DLG4: variants seen among roughly 807,000 people sequenced by gnomAD.
DLG4 encodes the protein disks large homolog 4.
In DLG4, 7 loss-of-function variants were observed where a neutral mutation model predicts 93.8. The observed-to-expected ratio is 0.07, with a 90% confidence interval of 0.04 to 0.14. The LOEUF (loss-of-function observed/expected upper bound fraction) is 0.14, where lower values mean the gene tolerates loss of function less well. Among genes scored for constraint, DLG4 ranks in the 10% least tolerant of loss-of-function variants. The pLI is 1.00. For synonymous variants in DLG4, 341 were observed against 387.6 expected, an observed-to-expected ratio of 0.88 and a Z score of 1.41; for missense variants, 545 against 992.9, an observed-to-expected ratio of 0.55 and a Z score of 6.06.
upstream of DLG4, chr17:7,218,577 T>A: frequency 2.6e-6 from 4 of 1,566,118 alleles, no homozygotes; most frequent in Non-Finnish European, 3.5e-6. Context: ...TGCAGCACTG[T>A]GAGGAGTGGG....
At position 7,188,974 on chromosome 17, in the gene DLG4, T is replaced by C. The variant is rs373391618; in HGVS notation, c.*1734A>G. ...TAAAAATACAAAAATTAGCCAGGAG[T>C]GGTGGCAGGCGCCTGTAATCCCAGC... On this transcript the variant is annotated 3_prime_UTR_variant, in exon 20 of 20. Transcript: ENST00000399506. Among the ~76,000 whole-genome samples, 41 of 148,048 alleles carry C rather than the reference T, an allele frequency of 2.8e-4. No homozygotes were observed. The highest frequency in any genetic ancestry group is 9.8e-4 in the African/African-American group (39 of 39,938).
upstream of DLG4, chr17:7,219,803 C>G: frequency 6.6e-7 from 1 of 1,524,694 alleles, no homozygotes; most frequent in Non-Finnish European, 8.8e-7. Flanking sequence ...CCCTCTAAGT[C>G]AGCGGAACGC....
chr17:7,190,987 T>TTTTTTTTTTTTTTTC (rs2069463021), intron 19 of DLG4, among the ~76,000 whole-genome samples, 173 bp from the exon 20 acceptor site: 1 of 137,544 alleles, frequency 7.3e-6, no homozygotes, highest in African/African-American at 2.9e-5. Flanking sequence ...TTTTTTTTTT[T>TTTTTTTTTTTTTTTC]GAGATTGAGT....
rs1222481017 is a variant in DLG4 at position 7,203,402 on chromosome 17, T to G, written c.505+22A>C. ...GGGCACAGGACAGTTGGGATGGGGG[T>G]GGGAACAAAATGAGTTACTACCTTT... On this transcript the variant is annotated intron_variant, in intron 6 of 19. Coordinates refer to ENST00000399506, the MANE Select transcript of DLG4 (RefSeq NM_001321075.3). The surrounding 1 kb of genome is among the most constrained non-coding windows in gnomAD (Gnocchi z 7.2). 6.3e-7 allele frequency: 1 copy of G among 1,594,430 alleles called. No individual in the cohort carries two copies. The highest frequency in any genetic ancestry group is 2.3e-5 in the East Asian group (1 of 44,194).
chr17:7,202,768 C>T (rs745883411), intron 8 of DLG4, 135 bp downstream of exon 8: 1 of 1,077,966 alleles, frequency 9.3e-7, no homozygotes, highest in South Asian at 1.7e-5. Flanking sequence ...TCTCCAACAA[C>T]AGCAAGGATC....
rs1567540825 is a variant in DLG4 at position 7,203,213 on chromosome 17, T to C, written c.622A>G (p.Ile208Val). ...GAAHKDGRLQ[I>V]GDKILAVNSV... Reference sequence around the variant, plus strand: ...CTCACCGCCAGGATCTTGTCTCCAATCTGCAACCTCCCATCCTTGTGGGCA... The same window carrying C: ...CTCACCGCCAGGATCTTGTCTCCAACCTGCAACCTCCCATCCTTGTGGGCA... The change falls in exon 7 of 20, where the codon ATT becomes GTT. Residue 208 changes from isoleucine to valine, a missense_variant. This residue lies in a region of DLG4 where 428 missense variants were observed against 741.4 expected (regional missense o/e 0.58). Transcript: ENST00000399506. This position sits in a 1 kb window ranked among gnomAD's most constrained non-coding sequence, Gnocchi z 7.2. 6.2e-7 allele frequency: 1 copy of C among 1,604,066 alleles called. No homozygotes were observed. The highest frequency in any genetic ancestry group is 2.2e-5 in the East Asian group (1 of 44,594).
chr17:7,211,141 G>T, intron 1 of DLG4, among the ~76,000 whole-genome samples: 1 of 142,382 alleles, frequency 7.0e-6, no homozygotes, highest in Non-Finnish European at 1.5e-5. Context: ...GGGTGGGGGC[G>T]GGGGAGAGTA....
chr17:7,205,239 C>G (rs978430203), intron 2 of DLG4: 3 of 905,254 alleles, frequency 3.3e-6, no homozygotes, highest in Non-Finnish European at 2.6e-6. Context: ...CTCCCTCCCC[C>G]CACTTCATTC....
chr17:7,219,969 C>G, upstream of DLG4: 2 of 1,597,366 alleles, frequency 1.3e-6, no homozygotes, highest in Non-Finnish European at 8.5e-7. Context: ...CCAGCGGCGC[C>G]CGGAGAGATT....
intron 8 of DLG4, 67 bp downstream of exon 8, chr17:7,202,836 T>TG (rs780613904): frequency 6.3e-7 from 1 of 1,589,886 alleles, no homozygotes; most frequent in Admixed American, 1.7e-5. Flanking sequence ...AGGGATGTCG[T>TG]GGGACTGCAT....
At position 7,194,098 on chromosome 17, in the gene DLG4, G is replaced by A. The variant is rs571784468; in HGVS notation, c.1479-98C>T. ...TGACAACCCCTTCTCCATACTCTGG[G>A]CCAGCTGACACCCCTTCTCCTGCAG... On this transcript the variant is annotated intron_variant, in intron 12 of 19. Coordinates refer to ENST00000399506, the MANE Select transcript of DLG4 (RefSeq NM_001321075.3). The surrounding 1 kb of genome is among the most constrained non-coding windows in gnomAD (Gnocchi z 4.4). 6.8e-6 allele frequency: 10 copies of A among 1,478,092 alleles called. No homozygotes were observed. The highest frequency in any genetic ancestry group is 1.7e-4 in the Middle Eastern group (1 of 5,770). The allele number at this position is 1,478,092 out of a possible 1,614,324, so 91.6% of individuals were successfully genotyped here.
At position 7,193,007 on chromosome 17, in the gene DLG4, C is replaced by T; in HGVS notation, c.1804G>A (p.Gly602Ser). The change falls in exon 17 of 20, where the codon GGC (glycine) becomes AGC (serine). Residue 602 changes from glycine to serine, a missense_variant. Physicochemically the swap from Gly to Ser is moderately conservative, Grantham distance 56. Transcript: ENST00000399506. The surrounding 1 kb of genome is among the most constrained non-coding windows in gnomAD (Gnocchi z 6.7). ...CCATAGAGGTGGCTGTTGTACTGGC[C>T]GGCCTCAATGAACTTGTGCGCCTGA... ...DIQAHKFIEA[G>S]QYNSHLYGTS... is the part of the protein sequence containing the mutation. 6.2e-7 allele frequency: 1 copy of T among 1,613,724 alleles called. No homozygotes were observed. Among genetic ancestry groups the T allele is most frequent in the East Asian group, 2.2e-5 (1 of 44,872 alleles).
Position 7,193,578 on chromosome 17 carries a change from T to C in DLG4, c.1598A>G (p.Tyr533Cys). 1 of 1,527,330 alleles carries C rather than the reference T, an allele frequency of 6.5e-7. No individual in the cohort carries two copies. Among genetic ancestry groups the C allele is most frequent in the Non-Finnish European group, 8.8e-7 (1 of 1,141,166 alleles). The allele number at this position is 1,527,330 out of a possible 1,614,324, so 94.6% of individuals were successfully genotyped here. Reference protein sequence around the residue: ...YETVTQMEVHYARPIIILGPT... With the variant: ...YETVTQMEVHCARPIIILGPT... ...CCCAAGGATGATGATGGGGCGAGCA[T>C]AGTGCACTGCAGAGAGAGCCTGGCT... The change falls in exon 16 of 20, where the codon TAT becomes TGT. Residue 533 changes from tyrosine (Y) to cysteine (C), a missense_variant. Tyr to Cys is a radical substitution (Grantham distance 194). Coordinates refer to ENST00000399506, the MANE Select transcript of DLG4 (RefSeq NM_001321075.3). The surrounding 1 kb of genome is among the most constrained non-coding windows in gnomAD (Gnocchi z 6.7).
intron 1 of DLG4, chr17:7,211,673 G>A (rs887686774): frequency 1.2e-5 from 12 of 982,274 alleles, no homozygotes; most frequent in Non-Finnish European, 1.4e-5. Flanking sequence ...AGAGACACAT[G>A]GAGGCGAATC....
Position 7,208,051 on chromosome 17 carries a change from G to A in DLG4, c.96+123C>T, listed in dbSNP as rs754898571. On this transcript the variant is annotated intron_variant, in intron 2 of 19. Coordinates refer to ENST00000399506, the MANE Select transcript of DLG4 (RefSeq NM_001321075.3). The surrounding 1 kb of genome is among the most constrained non-coding windows in gnomAD (Gnocchi z 5.4). The stretch of plus-strand genomic sequence containing the variant: ...CCGAGGCTCCGAGGGCCGCACTGGG[G>A]AGGGGGCCACCAGGGTCTCCTACCT... 1.5e-6 allele frequency: 2 copies of A among 1,300,728 alleles called. No individual in the cohort carries two copies. The highest frequency in any genetic ancestry group is 2.0e-6 in the Non-Finnish European group (2 of 1,017,970). 80.6% of individuals were successfully genotyped at this position (1,300,728 alleles called of 1,614,324 possible). A position where few individuals can be genotyped will look rare whatever the true frequency, so the allele number is the denominator to read the frequency against.
intron 8 of DLG4, among the ~76,000 whole-genome samples, chr17:7,197,767 G>A (rs1380716711): frequency 6.6e-6 from 1 of 152,168 alleles, no homozygotes; most frequent in African/African-American, 2.4e-5. Flanking sequence ...TTACAGGCAT[G>A]AGCCACCTTG....
At chr17:7,206,886 A>G (rs2070489327) in intron 2 of DLG4, among the ~76,000 whole-genome samples, 1 of 151,800 alleles carries the variant, frequency 6.6e-6, no homozygotes, top group Admixed American at 6.6e-5. Flanking sequence ...ACATCCTAGA[A>G]TCCCCACCCT....
At chr17:7,218,123 G>A, upstream of DLG4, 2 of 935,600 alleles carry the variant, frequency 2.1e-6, no homozygotes, top group Non-Finnish European at 3.2e-6. Context: ...CTGGGCCACT[G>A]ACTCAGGCTT....
In DLG4 at chr17:7,187,315, G is replaced by GT. The variant is rs1236805629; in HGVS notation, c.*3392_*3393insA. On this transcript the variant is annotated 3_prime_UTR_variant, in exon 20 of 20. Transcript: ENST00000399506. The stretch of plus-strand genomic sequence containing the variant: ...AGCACTTTGGGAGGCCGAGGGGGGG[G>GT]GGGGTGGATCACCCGAGGTCAGGAG... Among the ~76,000 whole-genome samples, 1 of 117,412 alleles carries GT rather than the reference G, an allele frequency of 8.5e-6. No homozygotes were observed. The highest frequency in any genetic ancestry group is 2.0e-5 in the Non-Finnish European group (1 of 49,592). The allele number at this position is 117,412 out of a possible 152,430, so 77.0% of individuals were successfully genotyped here. A position where few individuals can be genotyped will look rare whatever the true frequency, so the allele number is the denominator to read the frequency against.
Sources: gnomAD v4.1 joint callset for allele counts (sites outside exome capture counted in the v4.1 genomes callset) on GRCh38, gnomAD v4.1.1 for gene constraint, gnomAD v4.1.1 regional missense constraint, Gnocchi (gnomAD v3.1) non-coding constraint, MANE v1.5 for transcripts, NCBI Gene and HGNC (gene_info 2026-07-23, HGNC 2026-07-21) for gene names.